GULP1: variants seen among roughly 807,000 people sequenced by gnomAD.
GULP1 encodes the protein GULP PTB domain containing engulfment adaptor 1, also known as PTB domain-containing engulfment adapter protein 1.
In GULP1, 19 loss-of-function variants were observed where a neutral mutation model predicts 40.9. The observed-to-expected ratio is 0.46, with a 90% CI of 0.32 to 0.68. GULP1 has a LOEUF of 0.68. GULP1 is among the 30% of genes least tolerant of loss of function. GULP1 has a pLI of 0.03. For synonymous variants in GULP1, 119 were observed against 117.6 expected, an observed-to-expected ratio of 1.01 and a Z score of -0.08; for missense variants, 312 against 362.2, an observed-to-expected ratio of 0.86 and a Z score of 1.12.
chr2:188,581,058 TGAATCTAGTACTCAGGTGCCC>T (rs1288468607), intron 9 of GULP1, among the ~76,000 whole-genome samples: 3 of 152,128 alleles, frequency 2.0e-5, no homozygotes, highest in South Asian at 4.1e-4. Flanking sequence ...TTGGAGGAAT[TGAATCTAGTACTCAGGTGCCC>T]TGGCCAGCCA....
intron 2 of GULP1, among the ~76,000 whole-genome samples, chr2:188,456,152 G>T (rs1044902899): frequency 2.0e-5 from 3 of 152,146 alleles, no homozygotes; most frequent in African/African-American, 7.2e-5. Context: ...AGCCTGACAA[G>T]GCAATAGAAA....
intron 2 of GULP1, among the ~76,000 whole-genome samples, chr2:188,385,972 A>C (rs2049681494): frequency 6.6e-6 from 1 of 152,078 alleles, no homozygotes; most frequent in Non-Finnish European, 1.5e-5. Context: ...GAGCCCTCCA[A>C]ACTGTTTCAG....
chr2:188,534,663 T>C (rs565881460), intron 6 of GULP1, among the ~76,000 whole-genome samples: 31 of 151,524 alleles, frequency 2.0e-4, no homozygotes, highest in Non-Finnish European at 4.1e-4. Flanking sequence ...GTCTGTTTGG[T>C]GATAAAACAA....
intron 4 of GULP1, among the ~76,000 whole-genome samples, chr2:188,486,677 A>C (rs2061889174): frequency 6.6e-6 from 1 of 151,980 alleles, no homozygotes; most frequent in Non-Finnish European, 1.5e-5. Context: ...TAATGATTTG[A>C]GATCATTTGT....
At chr2:188,390,623 G>A (rs2050389965) in intron 2 of GULP1, among the ~76,000 whole-genome samples, 1 of 151,854 alleles carries the variant, frequency 6.6e-6, no homozygotes, top group Admixed American at 6.6e-5. Context: ...GTTTAATTAG[G>A]TCCCATTTAT....
At chr2:188,522,881 A>C in intron 5 of GULP1, 54 bp downstream of exon 5, 2 of 1,119,300 alleles carry the variant, frequency 1.8e-6, no homozygotes, top group Non-Finnish European at 2.7e-6. Flanking sequence ...TCATGTTTTC[A>C]GCAGATTGAT....
intron 10 of GULP1, among the ~76,000 whole-genome samples, chr2:188,587,399 T>A (rs952677288): frequency 6.6e-6 from 1 of 152,232 alleles, no homozygotes; most frequent in South Asian, 2.1e-4. Context: ...TAAGAGTACA[T>A]GAACTTTGAG....
intron 1 of GULP1, among the ~76,000 whole-genome samples, chr2:188,321,356 T>C (rs2039953640): frequency 6.6e-6 from 1 of 152,164 alleles, no homozygotes; most frequent in East Asian, 1.9e-4. Flanking sequence ...ATAGATGAAA[T>C]GTTTTCTTTG....
chr2:188,483,288 A>C, intron 3 of GULP1, 143 bp from the exon 4 acceptor site: 1 of 431,572 alleles, frequency 2.3e-6, no homozygotes, highest in Non-Finnish European at 4.3e-6. Context: ...TTGTTCTTCT[A>C]TCTGAGTGGT....
intron 1 of GULP1, among the ~76,000 whole-genome samples, chr2:188,359,798 G>A (rs2045858293): frequency 6.6e-6 from 1 of 152,056 alleles, no homozygotes; most frequent in Admixed American, 6.6e-5. Context: ...TTTTTCATGT[G>A]ACATTAGTAA....
intron 4 of GULP1, among the ~76,000 whole-genome samples, chr2:188,508,351 A>G (rs958824675): frequency 3.9e-5 from 6 of 152,128 alleles, no homozygotes; most frequent in African/African-American, 1.2e-4. Context: ...TTAGAAGTCT[A>G]TAATAAGATT....
intron 7 of GULP1, chr2:188,542,188 T>C (rs1168280286): frequency 2.0e-5 from 3 of 152,012 alleles, no homozygotes; most frequent in Non-Finnish European, 4.4e-5. Context: ...CCTGTAGCAG[T>C]TCTTTAATCA....
intron 2 of GULP1, among the ~76,000 whole-genome samples, chr2:188,416,164 C>A (rs1057499043): frequency 6.6e-6 from 1 of 151,440 alleles, no homozygotes; most frequent in East Asian, 1.9e-4. Context: ...TTCTTTCTTC[C>A]CCTCTCTCTT....
At chr2:188,502,866 G>T (rs2063557692) in intron 4 of GULP1, among the ~76,000 whole-genome samples, 1 of 151,880 alleles carries the variant, frequency 6.6e-6, no homozygotes, top group Non-Finnish European at 1.5e-5. Flanking sequence ...CAAGGGATTG[G>T]CAGGCTTAAT....
intron 2 of GULP1, among the ~76,000 whole-genome samples, chr2:188,399,703 A>C (rs993253230): frequency 6.7e-6 from 1 of 149,730 alleles, no homozygotes; most frequent in African/African-American, 2.5e-5. Flanking sequence ...AAAAAAAAAA[A>C]AAAAAAAAAA....
chr2:188,539,160 A>G (rs1388348873), intron 6 of GULP1, among the ~76,000 whole-genome samples: 2 of 152,056 alleles, frequency 1.3e-5, no homozygotes, highest in Admixed American at 1.3e-4. Context: ...TAAATGAGAG[A>G]CTATGTAGAT....
chr2:188,582,176 A>G (rs926497026), intron 9 of GULP1, among the ~76,000 whole-genome samples: 1 of 152,228 alleles, frequency 6.6e-6, no homozygotes, highest in African/African-American at 2.4e-5. Flanking sequence ...ACTATCACAT[A>G]GGAAAATCAA....
intron 4 of GULP1, among the ~76,000 whole-genome samples, chr2:188,515,822 C>T (rs894608507): frequency 6.6e-6 from 1 of 151,962 alleles, no homozygotes; most frequent in Non-Finnish European, 1.5e-5. Flanking sequence ...AGTAAATACT[C>T]AAAAATATTT....
intron 2 of GULP1, among the ~76,000 whole-genome samples, chr2:188,470,644 T>A (rs374026568): frequency 6.6e-6 from 1 of 152,274 alleles, no homozygotes; most frequent in African/African-American, 2.4e-5. Flanking sequence ...AAATTTCCAA[T>A]TTCCTTCTCA....
Sources: allele counts gnomAD v4.1 joint callset (sites outside exome capture counted in the v4.1 genomes callset), GRCh38; gene constraint gnomAD v4.1.1; transcripts MANE v1.5; gene names NCBI Gene and HGNC (gene_info 2026-07-23, HGNC 2026-07-21).